The following VEPH1 variants were observed in gnomAD, a reference collection of about 807,000 sequenced individuals.
The protein encoded by VEPH1 is ventricular zone expressed PH domain containing 1.
In VEPH1, 80 loss-of-function variants were observed where a neutral mutation model predicts 85.2. The observed-to-expected ratio is 0.94, with a 90% confidence interval of 0.78 to 1.13. The LOEUF (loss-of-function observed/expected upper bound fraction) is 1.13, where lower values mean the gene tolerates loss of function less well. VEPH1 is among the 50% of genes most tolerant of loss of function. VEPH1 has a pLI of 0.00. For synonymous variants in VEPH1, 297 were observed against 348.0 expected (o/e 0.85, Z 1.63); for missense variants, 955 against 980.5 (o/e 0.97, Z 0.35).
chr3:157,380,488 C>A (rs892821396), intron 7 of VEPH1, among the ~76,000 whole-genome samples: 4 of 152,214 alleles, frequency 2.6e-5, no homozygotes, highest in African/African-American at 9.7e-5. Flanking sequence ...CCTAGTCATA[C>A]AAAATGACTT....
chr3:157,449,358 T>G (rs941755403), intron 4 of VEPH1, among the ~76,000 whole-genome samples: 2 of 152,226 alleles, frequency 1.3e-5, no homozygotes, highest in Admixed American at 1.3e-4. Flanking sequence ...TATTTAGGTC[T>G]TATTCCATCT....
chr3:157,287,958 C>T (rs1426199063), intron 11 of VEPH1, among the ~76,000 whole-genome samples: 2 of 152,204 alleles, frequency 1.3e-5, no homozygotes, highest in Non-Finnish European at 2.9e-5. Context: ...ATTGACACTC[C>T]AAGAAGACTG....
At chr3:157,476,478 C>CA (rs1439475444) in intron 2 of VEPH1, among the ~76,000 whole-genome samples, 1 of 152,106 alleles carries the variant, frequency 6.6e-6, no homozygotes, top group Non-Finnish European at 1.5e-5. Flanking sequence ...CAGCAGTAGG[C>CA]ACATAATCAT....
chr3:157,353,518 T>A (rs1725105686), intron 9 of VEPH1, among the ~76,000 whole-genome samples: 1 of 152,144 alleles, frequency 6.6e-6, no homozygotes, highest in Non-Finnish European at 1.5e-5. Context: ...CTGCCCACCT[T>A]GTCCTCCAAA....
In VEPH1 at chr3:157,408,416, A is replaced by G. The variant is rs559495149; in HGVS notation, c.906+5465T>C. ...TATAATTATGTCATCTAGAATAAGT[A>G]GACAGACTTGATGGAATCAAAGTTC... On this transcript the variant is annotated intron_variant, in intron 6 of 13. Coordinates refer to ENST00000362010, the MANE Select transcript of VEPH1 (RefSeq NM_001167912.2). Among the ~76,000 whole-genome samples, 6 of 152,298 alleles carry G rather than the reference A, an allele frequency of 3.9e-5. No homozygotes were observed. In the South Asian group the frequency reaches 1.2e-3, roughly 32 times the overall value.
At chr3:157,453,582 A>C (rs548953423) in intron 4 of VEPH1, among the ~76,000 whole-genome samples, 2 of 152,310 alleles carry the variant, frequency 1.3e-5, no homozygotes, top group South Asian at 4.1e-4. Flanking sequence ...ATAGAAGTAG[A>C]AACATGGGAA....
At chr3:157,437,571 G>A in intron 4 of VEPH1, 2 of 1,599,722 alleles carry the variant, frequency 1.3e-6, no homozygotes, top group Non-Finnish European at 8.5e-7. Context: ...TCATCATGCT[G>A]GAGAACTCGC....
At chr3:157,314,191 G>A (rs549049393) in intron 10 of VEPH1, among the ~76,000 whole-genome samples, 1 of 151,384 alleles carries the variant, frequency 6.6e-6, no homozygotes, top group African/African-American at 2.4e-5. Flanking sequence ...AAATTAGCCG[G>A]GCGTGGTGGC....
At chr3:157,397,821 T>G (rs1186769381) in intron 6 of VEPH1, among the ~76,000 whole-genome samples, 1 of 152,190 alleles carries the variant, frequency 6.6e-6, no homozygotes, top group Non-Finnish European at 1.5e-5. Context: ...TACCTGCATG[T>G]CTGGCTACAT....
At chr3:157,486,491 A>AAAT (rs1738662408) in intron 2 of VEPH1, among the ~76,000 whole-genome samples, 1 of 151,812 alleles carries the variant, frequency 6.6e-6, no homozygotes. Context: ...GACTCAAAAA[A>AAAT]AAAAAAAAAG....
In VEPH1 at chr3:157,272,348, TTCTC is replaced by T. The variant is rs1244884460; in HGVS notation, c.2129-6690_2129-6687del. Among the ~76,000 whole-genome samples the T allele has an allele frequency of 1.7e-4, 25 of 150,008 alleles. 1 individual carries two copies. The highest frequency in any genetic ancestry group is 3.4e-3 in the Middle Eastern group (1 of 290). The stretch of plus-strand genomic sequence containing the variant: ...TCTCTCTCTTTCTTTCTTTCTCTTT[TTCTC>T]TCTCTTTCTTTCTTTCTCTTTCTTT... On this transcript the variant is annotated intron_variant, in intron 12 of 13. Transcript: ENST00000362010.
intron 7 of VEPH1, among the ~76,000 whole-genome samples, chr3:157,370,533 A>G (rs1233255700): frequency 6.6e-6 from 1 of 152,144 alleles, no homozygotes; most frequent in Non-Finnish European, 1.5e-5. Context: ...AGATCCCCCA[A>G]CTTCACAGTG....
chr3:157,387,211 T>G (rs1435782843), intron 6 of VEPH1, among the ~76,000 whole-genome samples: 1 of 152,192 alleles, frequency 6.6e-6, no homozygotes, highest in Non-Finnish European at 1.5e-5. Flanking sequence ...GTTTTTTTAA[T>G]ACTACTACTC....
At chr3:157,378,100 A>T (rs988440159) in intron 7 of VEPH1, among the ~76,000 whole-genome samples, 6 of 152,030 alleles carry the variant, frequency 3.9e-5, no homozygotes, top group Admixed American at 2.6e-4. Flanking sequence ...CATACAGCAC[A>T]GAATGGCTCC....
intron 9 of VEPH1, among the ~76,000 whole-genome samples, chr3:157,350,326 T>C (rs1230735809): frequency 6.6e-6 from 1 of 152,158 alleles, no homozygotes; most frequent in Non-Finnish European, 1.5e-5. Context: ...TGCAGAAGAA[T>C]GAAACTGGAC....
At chr3:157,397,611 A>G (rs1411238780) in intron 6 of VEPH1, among the ~76,000 whole-genome samples, 4 of 152,108 alleles carry the variant, frequency 2.6e-5, no homozygotes, top group Non-Finnish European at 4.4e-5. Context: ...AGTGGTTTGT[A>G]GTTCTCTTTG....
chr3:157,281,788 G>A (rs951629093), intron 12 of VEPH1, among the ~76,000 whole-genome samples: 2 of 152,022 alleles, frequency 1.3e-5, no homozygotes, highest in South Asian at 2.1e-4. Flanking sequence ...CGCCTGCCTC[G>A]GCCTCCCAAA....
intron 9 of VEPH1, among the ~76,000 whole-genome samples, chr3:157,357,019 C>G (rs1202672265): frequency 6.6e-6 from 1 of 151,966 alleles, no homozygotes; most frequent in Non-Finnish European, 1.5e-5. Context: ...TTGCTATATA[C>G]CCTTCTATCT....
chr3:157,428,539 C>T lies in VEPH1; in HGVS notation c.530-51G>A, dbSNP rs759008591. ...GATGACTTTATCAGGCCATGAGCAA[C>T]AGAAATAACATTATTACCAATGTAA... On this transcript the variant is annotated intron_variant, in intron 4 of 13. Coordinates refer to ENST00000362010, the MANE Select transcript of VEPH1 (RefSeq NM_001167912.2). The T allele has an allele frequency of 7.8e-6, 12 of 1,546,800 alleles. No individual in the cohort carries two copies. In the South Asian group the frequency reaches 1.4e-4, roughly 18 times the overall value.
Sources: gnomAD v4.1 joint callset for allele counts (sites outside exome capture counted in the v4.1 genomes callset) on GRCh38, gnomAD v4.1.1 for gene constraint, MANE v1.5 for transcripts, NCBI Gene and HGNC (gene_info 2026-07-23, HGNC 2026-07-21) for gene names.